The following ITGBL1 variants were observed in gnomAD, a reference collection of about 807,000 sequenced individuals.
The protein encoded by ITGBL1 is integrin beta-like protein 1.
ITGBL1 carries 51 observed loss-of-function variants against 68.5 expected under a neutral mutation model. That is an observed-to-expected ratio of 0.74 (90% CI 0.59 to 0.94). The LOEUF is 0.94. ITGBL1 is among the 40% of genes least tolerant of loss of function. The pLI is 0.00. For synonymous variants in ITGBL1, 209 were observed against 227.3 expected (o/e 0.92, Z 0.72); for missense variants, 649 against 647.4 (o/e 1.00, Z -0.03).
chr13:101,540,197 A>T (rs2049667376), intron 2 of ITGBL1, among the ~76,000 whole-genome samples: 1 of 152,164 alleles, frequency 6.6e-6, no homozygotes, highest in South Asian at 2.1e-4. Flanking sequence ...TCTAACATTT[A>T]AGTCTTTAAT....
At chr13:101,555,973 T>A (rs2049998469) in intron 2 of ITGBL1, among the ~76,000 whole-genome samples, 1 of 152,176 alleles carries the variant, frequency 6.6e-6, no homozygotes, top group African/African-American at 2.4e-5. Flanking sequence ...CTTAGGGTTG[T>A]GATGGTCAAG....
At chr13:101,459,355 A>G (rs150675329) in intron 2 of ITGBL1, among the ~76,000 whole-genome samples, 1,578 of 152,294 alleles carry the variant, frequency 0.01, 32 homozygotes, top group African/African-American at 0.036. Flanking sequence ...AGAACCTTCT[A>G]TTCTGTGTGA....
At chr13:101,705,491 A>G (rs2034242489) in intron 8 of ITGBL1, among the ~76,000 whole-genome samples, 1 of 151,832 alleles carries the variant, frequency 6.6e-6, no homozygotes, top group Non-Finnish European at 1.5e-5. Flanking sequence ...TCATGCCAAA[A>G]CTTGGGCTTC....
chr13:101,506,651 A>G (rs2139098702), intron 2 of ITGBL1, among the ~76,000 whole-genome samples: 1 of 152,110 alleles, frequency 6.6e-6, no homozygotes, highest in African/African-American at 2.4e-5. Context: ...GTGATTCCTG[A>G]CTCTTGAGGA....
chr13:101,695,222 C>T (rs1288564348), intron 8 of ITGBL1, among the ~76,000 whole-genome samples: 1 of 152,172 alleles, frequency 6.6e-6, no homozygotes, highest in African/African-American at 2.4e-5. Context: ...TTAACTACAC[C>T]TCACAACAAT....
chr13:101,479,218 C>A lies in ITGBL1; in HGVS notation c.316+25118C>A, dbSNP rs902454463. ...GAACATACATTGAGGAAAACACAAT[C>A]TCTTCAATAAATGGCTCTGGGAAAA... On this transcript the variant is annotated intron_variant, in intron 2 of 10. Transcript: ENST00000376180. Among the ~76,000 whole-genome samples the A allele has an allele frequency of 2.6e-5, 4 of 152,080 alleles. No homozygotes were observed. The East Asian group carries it at 7.7e-4, about 29-fold the overall frequency.
intron 7 of ITGBL1, among the ~76,000 whole-genome samples, chr13:101,660,253 G>C (rs911365181): frequency 2.0e-5 from 3 of 152,136 alleles, no homozygotes; most frequent in Admixed American, 2.0e-4. Context: ...TTCAAAGATA[G>C]TTTGGTGGAT....
At chr13:101,696,405 T>A in intron 8 of ITGBL1, among the ~76,000 whole-genome samples, 1 of 152,218 alleles carries the variant, frequency 6.6e-6, no homozygotes. Flanking sequence ...GAGACTATGC[T>A]TGTCTTGACC....
chr13:101,676,389 A>G (rs1208711312), intron 7 of ITGBL1, among the ~76,000 whole-genome samples: 1 of 152,210 alleles, frequency 6.6e-6, no homozygotes, highest in Non-Finnish European at 1.5e-5. Context: ...GATAATATCT[A>G]AAGTGAAAAT....
intron 1 of ITGBL1, among the ~76,000 whole-genome samples, 184 bp downstream of exon 1, chr13:101,453,115 T>C (rs1043642664): frequency 1.3e-5 from 2 of 152,256 alleles, no homozygotes; most frequent in African/African-American, 2.4e-5. Context: ...TCTGTCCTTT[T>C]GCTTTTCCTT....
At chr13:101,706,927 A>T in intron 9 of ITGBL1, 25 bp downstream of exon 9, 2 of 1,606,706 alleles carry the variant, frequency 1.2e-6, no homozygotes, top group Non-Finnish European at 1.7e-6. Flanking sequence ...TGGTGCCTGG[A>T]CTCCATTCCT....
chr13:101,712,054 C>T lies in ITGBL1; in HGVS notation c.1280-2384C>T, dbSNP rs2034493934. The T allele has an allele frequency of 2.6e-5, 4 of 152,226 alleles. No homozygotes were observed. The South Asian group carries it at 8.3e-4, about 32-fold the overall frequency. 9.4% of individuals were successfully genotyped at this position (152,226 alleles called of 1,614,324 possible). On this transcript the variant is annotated intron_variant, in intron 9 of 10. Coordinates refer to ENST00000376180, the MANE Select transcript of ITGBL1 (RefSeq NM_004791.3). Reference sequence around the variant, plus strand: ...CCATTTAAGAGAGGCACAATTTGACCCATGTTATGGAAGAAAACAGCTAGA... The same window carrying T: ...CCATTTAAGAGAGGCACAATTTGACTCATGTTATGGAAGAAAACAGCTAGA...
At position 101,660,089 on chromosome 13, in the gene ITGBL1, A is replaced by G. The variant is rs147563343; in HGVS notation, c.1016-32496A>G. Among the ~76,000 whole-genome samples, 448 of 152,302 alleles carry G rather than the reference A, an allele frequency of 2.9e-3. 2 individuals are homozygous for G. Among genetic ancestry groups the G allele is most frequent in the African/African-American group, 0.01 (422 of 41,558 alleles). ...ATGCCAGTAGCACTGTAACCACCAGACAGGTTCTTCCTGCCCGCTGAACAA... is the reference window on the plus strand; with the variant it reads ...ATGCCAGTAGCACTGTAACCACCAGGCAGGTTCTTCCTGCCCGCTGAACAA... On this transcript the variant is annotated intron_variant, in intron 7 of 10. Transcript: ENST00000376180.
chr13:101,633,500 C>T (rs1206439876), intron 7 of ITGBL1, among the ~76,000 whole-genome samples: 4 of 152,134 alleles, frequency 2.6e-5, no homozygotes, highest in African/African-American at 9.7e-5. Context: ...CCTGTGACTT[C>T]TATTGCTGTG....
intron 7 of ITGBL1, among the ~76,000 whole-genome samples, chr13:101,641,424 GTC>G (rs1397711199): frequency 6.6e-6 from 1 of 151,854 alleles, no homozygotes; most frequent in African/African-American, 2.4e-5. Context: ...GCTTTCTAAA[GTC>G]TCTCTGATTT....
intron 6 of ITGBL1, among the ~76,000 whole-genome samples, chr13:101,591,444 C>G (rs1007143101): frequency 3.9e-5 from 6 of 152,094 alleles, no homozygotes; most frequent in African/African-American, 1.2e-4. Context: ...AGATGATCAA[C>G]AAATGAGCAT....
intron 2 of ITGBL1, among the ~76,000 whole-genome samples, chr13:101,536,839 T>G (rs760166388): frequency 6.6e-6 from 1 of 151,998 alleles, no homozygotes; most frequent in Non-Finnish European, 1.5e-5. Flanking sequence ...AATAATTATT[T>G]CCAGAAAATA....
rs868868728 is a variant in ITGBL1, at chr13:101,483,176, G to A, written c.316+29076G>A. Among the ~76,000 whole-genome samples the A allele has an allele frequency of 4.4e-4, 66 of 149,560 alleles. 1 individual carries two copies. In the Middle Eastern group the frequency reaches 0.017, roughly 40 times the overall value. ...TAGATACATATCATCACAGCACCCT[G>A]TCCAGTGGACAGAGAAATTATCTCA... On this transcript the variant is annotated intron_variant, in intron 2 of 10. Transcript: ENST00000376180.
chr13:101,575,342 C>T lies in ITGBL1; in HGVS notation c.464-82C>T, dbSNP rs576413537. 114 of 1,320,528 alleles carry T rather than the reference C, an allele frequency of 8.6e-5. No homozygotes were observed. In the African/African-American group the frequency reaches 1.6e-3, roughly 18 times the overall value. 81.8% of individuals were successfully genotyped at this position (1,320,528 alleles called of 1,614,324 possible). ...TAAATTGATTTGGATTATCTACTCT[C>T]TTGAGAGAGATGGTATAAAAATTCA... On this transcript the variant is annotated intron_variant, in intron 3 of 10. Coordinates refer to ENST00000376180, the MANE Select transcript of ITGBL1 (RefSeq NM_004791.3).
Sources: gnomAD v4.1 joint callset for allele counts (sites outside exome capture counted in the v4.1 genomes callset) on GRCh38, gnomAD v4.1.1 for gene constraint, MANE v1.5 for transcripts, NCBI Gene and HGNC (gene_info 2026-07-23, HGNC 2026-07-21) for gene names.